The following MAD1L1 variants were observed in gnomAD, a reference collection of about 807,000 sequenced individuals.
MAD1L1 encodes the protein mitotic spindle assembly checkpoint protein MAD1.
MAD1L1 carries 95 observed loss-of-function variants against 96.9 expected under a neutral mutation model. The observed-to-expected ratio is 0.98, with a 90% CI of 0.83 to 1.16. The LOEUF (loss-of-function observed/expected upper bound fraction) is 1.16, where lower values mean the gene tolerates loss of function less well. Ranked by LOEUF, MAD1L1 falls within the 50% of genes most tolerant of loss-of-function variation. MAD1L1 has a pLI of 0.00. For synonymous variants in MAD1L1, 473 were observed against 396.6 expected (o/e 1.19, Z -2.29); for missense variants, 1,007 against 954.4 (o/e 1.06, Z -0.73).
At chr7:2,224,803 G>A (rs1280705386) in intron 4 of MAD1L1, among the ~76,000 whole-genome samples, 1 of 152,142 alleles carries the variant, frequency 6.6e-6, no homozygotes, top group Non-Finnish European at 1.5e-5. Context: ...CAAGGACAGG[G>A]TGTTTTCCCT....
At chr7:2,005,854 G>A (rs141995709) in intron 13 of MAD1L1, among the ~76,000 whole-genome samples, 13 of 152,150 alleles carry the variant, frequency 8.5e-5, no homozygotes, top group South Asian at 2.1e-4. Flanking sequence ...GTTTGTAACC[G>A]GCTGCATCTT....
chr7:2,071,123 G>A (rs572713049), intron 11 of MAD1L1, among the ~76,000 whole-genome samples: 5 of 151,088 alleles, frequency 3.3e-5, no homozygotes, highest in African/African-American at 4.8e-5. Context: ...GCTTCATCCC[G>A]GGGCTGGGGG....
intron 18 of MAD1L1, among the ~76,000 whole-genome samples, chr7:1,851,310 T>C (rs1783965043): frequency 6.6e-6 from 1 of 152,148 alleles, no homozygotes; most frequent in Non-Finnish European, 1.5e-5. Flanking sequence ...TGGGGGCTGA[T>C]GGCTGAGCCC....
chr7:2,188,587 G>A (rs1490554633), intron 10 of MAD1L1, among the ~76,000 whole-genome samples: 3 of 152,134 alleles, frequency 2.0e-5, no homozygotes, highest in African/African-American at 7.2e-5. Context: ...ATTCAATGAG[G>A]AATGGACAAG....
chr7:2,220,089 G>A (rs1045986541), intron 5 of MAD1L1, among the ~76,000 whole-genome samples: 5 of 152,206 alleles, frequency 3.3e-5, no homozygotes, highest in Non-Finnish European at 5.9e-5. Flanking sequence ...CTACCATGAC[G>A]GCTGTTTGCT....
intron 17 of MAD1L1, among the ~76,000 whole-genome samples, chr7:1,919,977 T>C (rs552311321): frequency 5.9e-5 from 9 of 152,034 alleles, no homozygotes; most frequent in African/African-American, 1.7e-4. Context: ...CCAACGCTTA[T>C]AGAGGGCCAG....
intron 11 of MAD1L1, among the ~76,000 whole-genome samples, chr7:2,109,215 T>A (rs1308306658): frequency 6.6e-6 from 1 of 152,006 alleles, no homozygotes; most frequent in Non-Finnish European, 1.5e-5. Flanking sequence ...AGGCCAGCCC[T>A]CTGGTGTCAA....
chr7:1,837,590 C>T (rs575471968), intron 18 of MAD1L1, among the ~76,000 whole-genome samples: 3 of 152,360 alleles, frequency 2.0e-5, no homozygotes, highest in East Asian at 3.9e-4. Flanking sequence ...GTGGTCTATC[C>T]GTATGACTGT....
At chr7:2,010,069 G>A (rs1264110704) in intron 13 of MAD1L1, among the ~76,000 whole-genome samples, 3 of 114,852 alleles carry the variant, frequency 2.6e-5, no homozygotes, top group Admixed American at 2.0e-4. Flanking sequence ...ATTTTTAACA[G>A]GTTTTTTTTT....
chr7:1,949,964 C>T (rs1330699333), intron 16 of MAD1L1, among the ~76,000 whole-genome samples: 1 of 152,232 alleles, frequency 6.6e-6, no homozygotes, highest in Non-Finnish European at 1.5e-5. Context: ...ACCCCAAGTG[C>T]AAGACATGGC....
intron 14 of MAD1L1, among the ~76,000 whole-genome samples, chr7:1,985,723 G>A (rs1488168430): frequency 6.6e-6 from 1 of 152,114 alleles, no homozygotes; most frequent in South Asian, 2.1e-4. Context: ...TCTTGCTGCG[G>A]GTTCTTTAGG....
intron 12 of MAD1L1, among the ~76,000 whole-genome samples, chr7:2,064,403 G>A (rs1165026390): frequency 2.0e-5 from 3 of 152,142 alleles, no homozygotes; most frequent in Admixed American, 6.5e-5. Context: ...AGATTCCCTC[G>A]GGAAGGCACC....
intron 10 of MAD1L1, among the ~76,000 whole-genome samples, chr7:2,156,474 T>C (rs1297007982): frequency 7.3e-6 from 1 of 137,818 alleles, no homozygotes. Flanking sequence ...ACAAACTCCC[T>C]GGTGATTCTT....
At chr7:2,130,971 G>A (rs4721428) in intron 11 of MAD1L1, among the ~76,000 whole-genome samples, 109,963 of 152,142 alleles carry the variant, frequency 0.72, 40,326 homozygotes, top group African/African-American at 0.83. Flanking sequence ...TTGTCTACAT[G>A]AATGATCCGG....
At chr7:1,854,698 C>A (rs761888422) in intron 18 of MAD1L1, among the ~76,000 whole-genome samples, 5 of 152,206 alleles carry the variant, frequency 3.3e-5, no homozygotes, top group Non-Finnish European at 7.3e-5. Flanking sequence ...CATCCTGCCC[C>A]TGTCCCCACA....
chr7:2,076,387 G>T (rs1181743998), intron 11 of MAD1L1, among the ~76,000 whole-genome samples: 1 of 152,180 alleles, frequency 6.6e-6, no homozygotes, highest in African/African-American at 2.4e-5. Context: ...GCCCTGTGAG[G>T]ACAGGGGCTG....
At chr7:2,201,793 C>T (rs56075204) in intron 10 of MAD1L1, 12,142 of 152,540 alleles carry the variant, frequency 0.08, 924 homozygotes, top group African/African-American at 0.19. Flanking sequence ...CCTGCGGGGT[C>T]CCAACACCCA....
chr7:2,218,182 A>ACCCCCCG, intron 6 of MAD1L1, 139 bp from the exon 7 acceptor site: 2 of 639,890 alleles, frequency 3.1e-6, no homozygotes, highest in Admixed American at 2.2e-5. Context: ...CACGGCACAG[A>ACCCCCCG]CCCCCCGCCC....
At chr7:1,966,159 C>T (rs1319254601) in intron 15 of MAD1L1, among the ~76,000 whole-genome samples, 1 of 152,276 alleles carries the variant, frequency 6.6e-6, no homozygotes, top group African/African-American at 2.4e-5. Context: ...ACAACCTGAA[C>T]TGGGATGGGA....
Sources: allele counts gnomAD v4.1 joint callset (sites outside exome capture counted in the v4.1 genomes callset), GRCh38; gene constraint gnomAD v4.1.1; transcripts MANE v1.5; gene names NCBI Gene and HGNC (gene_info 2026-07-23, HGNC 2026-07-21).